NDRG2: variants seen among roughly 807,000 people sequenced by gnomAD.
NDRG2 encodes the protein NDRG family member 2.
A neutral mutation model predicts 58.2 loss-of-function variants in NDRG2; 34 were observed. The ratio of observed to expected loss-of-function variants is 0.58; its 90% CI spans 0.44 to 0.78. NDRG2 has a LOEUF of 0.78. Ranked by LOEUF, NDRG2 falls within the 30% of genes least tolerant of loss-of-function variation. The pLI is 0.00. For missense variants in NDRG2, 434 were observed against 471.2 expected (o/e 0.92, Z 0.73); for synonymous variants, 187 against 175.9 (o/e 1.06, Z -0.50).
At chr14:21,019,282 A>G (rs752179909) in intron 10 of NDRG2, 122 bp from the exon 11 acceptor site, 1 of 1,011,054 alleles carries the variant, frequency 9.9e-7, no homozygotes, top group Non-Finnish European at 1.5e-6. Context: ...TTGGTTATTA[A>G]AGGTGGAAAC....
chr14:21,018,641 T>C, intron 12 of NDRG2, 122 bp downstream of exon 12: 1 of 1,563,926 alleles, frequency 6.4e-7, no homozygotes, highest in Non-Finnish European at 8.7e-7. Context: ...AATCAAATTC[T>C]TAGTGCCCCA....
chr14:21,019,300 G>T, intron 10 of NDRG2, 140 bp from the exon 11 acceptor site: 1 of 819,992 alleles, frequency 1.2e-6, no homozygotes, highest in Non-Finnish European at 1.9e-6. Flanking sequence ...AACCAAAGGA[G>T]AAAGGGGCAG....
At chr14:21,065,184 AAAC>A (rs1476406684) in intron 1 of NDRG2, among the ~76,000 whole-genome samples, 44 of 146,304 alleles carry the variant, frequency 3.0e-4, no homozygotes, top group Middle Eastern at 6.8e-3. Flanking sequence ...AAAAAAAAAC[AAAC>A]AACAACAACA....
At chr14:21,059,356 C>T (rs1885830367) in intron 1 of NDRG2, among the ~76,000 whole-genome samples, 1 of 151,994 alleles carries the variant, frequency 6.6e-6, no homozygotes, top group Non-Finnish European at 1.5e-5. Flanking sequence ...AAATACAATA[C>T]AATGAATTAC....
At chr14:21,042,881 G>A (rs1884967183) in intron 1 of NDRG2, 1 of 871,416 alleles carries the variant, frequency 1.1e-6, no homozygotes, top group South Asian at 1.8e-5. Context: ...CAACCGAGTA[G>A]GGAGATGGGT....
At chr14:21,034,778 G>T in intron 1 of NDRG2, 1 of 156,182 alleles carries the variant, frequency 6.4e-6, no homozygotes, top group South Asian at 2.0e-4. Flanking sequence ...AGGTTTCTAG[G>T]TAAAAATCAG....
chr14:21,040,982 T>TGTTTGTTG (rs1187813713), intron 1 of NDRG2, among the ~76,000 whole-genome samples: 1 of 102,546 alleles, frequency 9.8e-6, no homozygotes, highest in Non-Finnish European at 2.1e-5. Flanking sequence ...TTTTTGTTGT[T>TGTTTGTTG]GTTTGTTTGT....
At chr14:21,050,973 T>G (rs1885438738) in intron 1 of NDRG2, among the ~76,000 whole-genome samples, 1 of 152,220 alleles carries the variant, frequency 6.6e-6, no homozygotes, top group Admixed American at 6.5e-5. Flanking sequence ...CTAAAAAAAT[T>G]TAATGTAACT....
chr14:21,048,811 A>G (rs1027568875), intron 1 of NDRG2, among the ~76,000 whole-genome samples: 3 of 152,218 alleles, frequency 2.0e-5, no homozygotes, highest in African/African-American at 7.2e-5. Context: ...AAAGGATTTA[A>G]ACAAGGGAGG....
chr14:21,031,962 G>T (rs9624), intron 1 of NDRG2: 220,154 of 1,613,990 alleles, frequency 0.14, 16,915 homozygotes, highest in East Asian at 0.28. Flanking sequence ...CACAAGGAGC[G>T]CTTTGATGAG....
chr14:21,060,525 A>G (rs777084669), intron 1 of NDRG2, among the ~76,000 whole-genome samples: 4 of 152,070 alleles, frequency 2.6e-5, no homozygotes, highest in Non-Finnish European at 5.9e-5. Flanking sequence ...TTCTTCCCAC[A>G]CTGTACTCTA....
intron 1 of NDRG2, among the ~76,000 whole-genome samples, chr14:21,046,002 T>G (rs1885126509): frequency 1.3e-5 from 2 of 152,206 alleles, no homozygotes; most frequent in South Asian, 4.1e-4. Context: ...GAAAAAAAGA[T>G]TTGTGTATTT....
chr14:21,053,018 G>A (rs982750356), intron 1 of NDRG2, among the ~76,000 whole-genome samples: 2 of 152,176 alleles, frequency 1.3e-5, no homozygotes, highest in Non-Finnish European at 2.9e-5. Context: ...AGTCAAAGGA[G>A]ACCAGTATTT....
Position 21,022,453 on chromosome 14 carries a change from G to A in NDRG2, c.162C>T (p.Val54=). 1 of 1,614,120 alleles carries A rather than the reference G, an allele frequency of 6.2e-7. No homozygotes were observed. Residue 54 remains valine (V), a synonymous_variant, in exon 4 of 16, where the codon GTC becomes GTT. Coordinates refer to ENST00000556147, the MANE Select transcript of NDRG2 (RefSeq NM_001320329.2). ...GGCGTTTGGGTTTGGGGGTGCCATAGACAGTGAAAGTGACAGAGCCGTATG... is the reference window on the plus strand; with the variant it reads ...GGCGTTTGGGTTTGGGGGTGCCATAAACAGTGAAAGTGACAGAGCCGTATG... ...ETPYGSVTFT[V]YGTPKPKRPA...
chr14:21,056,881 C>T (rs941463932), intron 1 of NDRG2, among the ~76,000 whole-genome samples: 4 of 152,186 alleles, frequency 2.6e-5, no homozygotes, highest in Admixed American at 2.6e-4. Flanking sequence ...CCAGCCCTGA[C>T]CCTCTATCCT....
intron 1 of NDRG2, chr14:21,042,093 T>A (rs181587243): frequency 6.6e-6 from 1 of 152,314 alleles, no homozygotes; most frequent in East Asian, 1.9e-4. Flanking sequence ...AGTTGACACC[T>A]GGGTCAGGTG....
intron 1 of NDRG2, among the ~76,000 whole-genome samples, chr14:21,057,058 A>G (rs2139147402): frequency 6.6e-6 from 1 of 152,332 alleles, no homozygotes; most frequent in South Asian, 2.1e-4. Context: ...TGACTCCACG[A>G]CCTTAATAAC....
At chr14:21,057,714 C>T (rs933995641) in intron 1 of NDRG2, 10 of 584,188 alleles carry the variant, frequency 1.7e-5, no homozygotes, top group African/African-American at 7.5e-5. Context: ...CAAAAAGGCA[C>T]ATTATCTGCT....
intron 1 of NDRG2, among the ~76,000 whole-genome samples, chr14:21,046,018 A>T (rs190391747): frequency 6.6e-6 from 1 of 152,342 alleles, no homozygotes; most frequent in Admixed American, 6.5e-5. Flanking sequence ...TATTTTATGT[A>T]AGTTATATCT....
Sources: gnomAD v4.1 joint callset for allele counts (sites outside exome capture counted in the v4.1 genomes callset) on GRCh38, gnomAD v4.1.1 for gene constraint, MANE v1.5 for transcripts, NCBI Gene and HGNC (gene_info 2026-07-23, HGNC 2026-07-21) for gene names.